EIF2B3: variants seen among roughly 807,000 people sequenced by gnomAD.
EIF2B3 encodes the protein translation initiation factor eIF2B subunit gamma.
In EIF2B3, 20 loss-of-function variants were observed where a neutral mutation model predicts 54.1. The ratio of observed to expected loss-of-function variants is 0.37; its 90% CI spans 0.26 to 0.54. The LOEUF is 0.54. Ranked by LOEUF, EIF2B3 falls within the 20% of genes least tolerant of loss-of-function variation. The pLI, the probability that EIF2B3 is intolerant of heterozygous loss-of-function variation, is 0.86. For synonymous variants in EIF2B3, 153 were observed against 188.1 expected (o/e 0.81, Z 1.52); for missense variants, 448 against 547.8 (o/e 0.82, Z 1.82).
intron 3 of EIF2B3, chr1:44,958,640 C>T: frequency 6.4e-7 from 1 of 1,571,648 alleles, no homozygotes; most frequent in South Asian, 1.1e-5. Flanking sequence ...TCACTGCCTG[C>T]TCTCACATAT....
At chr1:44,971,848 T>C (rs1041520327) in intron 3 of EIF2B3, among the ~76,000 whole-genome samples, 3 of 151,398 alleles carry the variant, frequency 2.0e-5, no homozygotes, top group Non-Finnish European at 4.4e-5. Flanking sequence ...CTGGCCAACA[T>C]GGTGAAACCC....
intron 10 of EIF2B3, among the ~76,000 whole-genome samples, chr1:44,869,238 G>A (rs1300807531): frequency 6.6e-6 from 1 of 152,120 alleles, no homozygotes; most frequent in Non-Finnish European, 1.5e-5. Context: ...AGCACTTTGG[G>A]AGGCTGAGAC....
At chr1:44,945,461 G>A (rs1644090148) in intron 3 of EIF2B3, among the ~76,000 whole-genome samples, 1 of 151,800 alleles carries the variant, frequency 6.6e-6, no homozygotes. Context: ...GGCTGAGGCA[G>A]GAGAATGGCA....
intron 3 of EIF2B3, among the ~76,000 whole-genome samples, chr1:44,945,999 G>T (rs1296592822): frequency 6.6e-6 from 1 of 152,132 alleles, no homozygotes; most frequent in Non-Finnish European, 1.5e-5. Context: ...GTTATCATTC[G>T]ATATCTGCAA....
At chr1:44,859,664 A>AAAAAG (rs1654547937) in intron 10 of EIF2B3, among the ~76,000 whole-genome samples, 2 of 152,302 alleles carry the variant, frequency 1.3e-5, no homozygotes, top group South Asian at 4.1e-4. Context: ...ATCTCCAAAA[A>AAAAAG]AAAAGAAAAG....
intron 3 of EIF2B3, among the ~76,000 whole-genome samples, chr1:44,962,173 C>G (rs1461038254): frequency 6.6e-6 from 1 of 150,820 alleles, no homozygotes; most frequent in African/African-American, 2.4e-5. Flanking sequence ...GCCTGGGTGA[C>G]AAGAGCGAAA....
At chr1:44,959,352 C>G (rs1037608726) in intron 3 of EIF2B3, 1 of 590,160 alleles carries the variant, frequency 1.7e-6, no homozygotes, top group Non-Finnish European at 3.1e-6. Flanking sequence ...TGAATTAGAG[C>G]AGCAGCAATT....
chr1:44,952,535 A>T (rs1644176803), intron 3 of EIF2B3, among the ~76,000 whole-genome samples: 1 of 150,894 alleles, frequency 6.6e-6, no homozygotes, highest in Non-Finnish European at 1.5e-5. Context: ...CCTGTACAAT[A>T]AATTAAATGT....
chr1:44,982,632 C>G (rs1644527102), intron 1 of EIF2B3, among the ~76,000 whole-genome samples: 1 of 151,824 alleles, frequency 6.6e-6, no homozygotes, highest in South Asian at 2.1e-4. Context: ...CAGAGTCTTG[C>G]TCCATTGCCC....
chr1:44,945,670 C>A (rs1339580433), intron 3 of EIF2B3, among the ~76,000 whole-genome samples: 1 of 150,794 alleles, frequency 6.6e-6, no homozygotes, highest in Non-Finnish European at 1.5e-5. Flanking sequence ...TACATACAAA[C>A]TAAAGAAACA....
intron 10 of EIF2B3, 97 bp downstream of exon 10, chr1:44,874,581 T>G (rs1399509365): frequency 1.0e-5 from 14 of 1,381,976 alleles, no homozygotes; most frequent in Non-Finnish European, 1.3e-5. Context: ...GCACTTTGCC[T>G]GGGTATACAA....
intron 3 of EIF2B3, among the ~76,000 whole-genome samples, chr1:44,977,073 G>T (rs1428113769): frequency 6.6e-6 from 1 of 152,210 alleles, no homozygotes; most frequent in Non-Finnish European, 1.5e-5. Flanking sequence ...TAGTACAAAA[G>T]TCGGTTGAAA....
chr1:44,943,871 C>T (rs112471252), intron 3 of EIF2B3, among the ~76,000 whole-genome samples: 11,691 of 152,148 alleles, frequency 0.077, 1,529 homozygotes, highest in African/African-American at 0.27. Flanking sequence ...TTAGGCTGGG[C>T]GCAGTGGCTC....
intron 5 of EIF2B3, among the ~76,000 whole-genome samples, chr1:44,913,620 T>G (rs1643560595): frequency 6.6e-6 from 1 of 152,176 alleles, no homozygotes; most frequent in Non-Finnish European, 1.5e-5. Flanking sequence ...TCTTCCCGTC[T>G]CCGCCTCCCA....
chr1:44,960,512 G>A (rs1406042717), intron 3 of EIF2B3, among the ~76,000 whole-genome samples: 1 of 151,950 alleles, frequency 6.6e-6, no homozygotes, highest in Non-Finnish European at 1.5e-5. Context: ...GGTGGCGGGC[G>A]CCTGTAGTCC....
intron 6 of EIF2B3, among the ~76,000 whole-genome samples, chr1:44,886,168 C>T (rs1412662328): frequency 6.6e-6 from 1 of 152,062 alleles, no homozygotes; most frequent in African/African-American, 2.4e-5. Context: ...CAACCTCCGC[C>T]TCCTGGGTTC....
At chr1:44,876,099 A>C (rs1162816326) in intron 8 of EIF2B3, among the ~76,000 whole-genome samples, 1 of 152,188 alleles carries the variant, frequency 6.6e-6, no homozygotes, top group African/African-American at 2.4e-5. Context: ...AATGGTGCCC[A>C]GGCTGGAGTG....
intron 8 of EIF2B3, among the ~76,000 whole-genome samples, chr1:44,877,216 A>AAAAC (rs1298698013): frequency 4.0e-5 from 6 of 149,526 alleles, no homozygotes; most frequent in East Asian, 1.9e-4. Context: ...AAAAAAAAAA[A>AAAAC]AAAAAACACC....
At chr1:44,940,138 C>A (rs539287508) in intron 4 of EIF2B3, among the ~76,000 whole-genome samples, 1 of 152,036 alleles carries the variant, frequency 6.6e-6, no homozygotes, top group East Asian at 1.9e-4. Flanking sequence ...TTTAACCAAA[C>A]GTCCTAAAAT....
Sources: allele counts gnomAD v4.1 joint callset (sites outside exome capture counted in the v4.1 genomes callset), GRCh38; gene constraint gnomAD v4.1.1; transcripts MANE v1.5; gene names NCBI Gene and HGNC (gene_info 2026-07-23, HGNC 2026-07-21).